Variants in PTCRA observed in about 807,000 individuals in gnomAD.
PTCRA encodes the protein pre T-cell antigen receptor alpha.
A neutral mutation model predicts 13.4 loss-of-function variants in PTCRA; 9 were observed. The ratio of observed to expected loss-of-function variants is 0.67; its 90% CI spans 0.41 to 1.18. PTCRA has a LOEUF of 1.18. Among genes scored for constraint, PTCRA ranks in the 50% most tolerant of loss-of-function variants. The pLI is 0.01. For missense variants in PTCRA, 353 were observed against 359.8 expected, an observed-to-expected ratio of 0.98 and a Z score of 0.15; for synonymous variants, 153 against 161.9, an observed-to-expected ratio of 0.94 and a Z score of 0.42.
rs1415861303 is a variant in PTCRA at position 42,925,043 on chromosome 6, C to A, written c.425-218C>A. ...TAATTAATTCCTGCGTGGCCCCCACCCCTACCCCCATGATTGTTGGGGAAT... is the reference window on the plus strand; with the variant it reads ...TAATTAATTCCTGCGTGGCCCCCACACCTACCCCCATGATTGTTGGGGAAT... On this transcript the variant is annotated intron_variant, in intron 3 of 3. Transcript: ENST00000304672. This position sits in a 1 kb window ranked among gnomAD's most constrained non-coding sequence, Gnocchi z 4.4. Among the ~76,000 whole-genome samples, 1 of 152,082 alleles carries A rather than the reference C, an allele frequency of 6.6e-6. No individual in the cohort carries two copies. The highest frequency in any genetic ancestry group is 1.5e-5 in the Non-Finnish European group (1 of 68,020).
rs553747473 is a variant in PTCRA at position 42,925,449 on chromosome 6, C to G, written c.613C>G (p.Arg205Gly). The G allele has an allele frequency of 6.4e-7, 1 of 1,555,248 alleles. No individual in the cohort carries two copies. Among genetic ancestry groups the G allele is most frequent in the African/African-American group, 1.4e-5 (1 of 73,258 alleles). Residue 205 changes from arginine to glycine, a missense_variant, in exon 4 of 4, where the codon CGA (arginine) becomes GGA (glycine). By Grantham distance (125) the Arg-to-Gly change is moderately radical (BLOSUM62 -2). Transcript: ENST00000304672. The surrounding 1 kb of genome is among the most constrained non-coding windows in gnomAD (Gnocchi z 4.4). Reference protein sequence around the residue: ...RLHPATETGGREATSSPRPQP... With the variant: ...RLHPATETGGGEATSSPRPQP... Reference sequence around the variant, plus strand: ...GCACCCGGCCACGGAGACTGGGGGACGAGAGGCCACCAGCTCACCCAGACC... The same window carrying G: ...GCACCCGGCCACGGAGACTGGGGGAGGAGAGGCCACCAGCTCACCCAGACC...
intron 2 of PTCRA, 60 bp downstream of exon 2, chr6:42,923,407 T>C (rs373811238): frequency 2.0e-6 from 3 of 1,524,714 alleles, no homozygotes; most frequent in Non-Finnish European, 9.0e-7. Context: ...CACCAGGATA[T>C]GGTTGGAGGG....
At position 42,922,919 on chromosome 6, in the gene PTCRA, G is replaced by A. The variant is rs923676501; in HGVS notation, c.59-108G>A. Reference sequence around the variant, plus strand: ...AAGGACATGTAGATGGATGGTGGAAGGATGGATGGATGGAAAGACAGAAAT... The same window carrying A: ...AAGGACATGTAGATGGATGGTGGAAAGATGGATGGATGGAAAGACAGAAAT... On this transcript the variant is annotated intron_variant, in intron 1 of 3. Coordinates refer to ENST00000304672, the MANE Select transcript of PTCRA (RefSeq NM_138296.3). The A allele has an allele frequency of 3.9e-6, 4 of 1,016,150 alleles. No homozygotes were observed. The African/African-American group carries it at 6.3e-5, about 16-fold the overall frequency. 62.9% of individuals were successfully genotyped at this position (1,016,150 alleles called of 1,614,324 possible). A position where few individuals can be genotyped will look rare whatever the true frequency, so the allele number is the denominator to read the frequency against.
At chr6:42,922,010 G>A (rs1443267009) in intron 1 of PTCRA, among the ~76,000 whole-genome samples, 1 of 151,906 alleles carries the variant, frequency 6.6e-6, no homozygotes, top group Non-Finnish European at 1.5e-5. Context: ...GGGAGACGTA[G>A]CAAGACTCCG....
rs1376992864 is a variant in PTCRA at position 42,923,235 on chromosome 6, G to T, written c.267G>T (p.Leu89Phe). The stretch of plus-strand genomic sequence containing the variant: ...CAACGGATGGCACCTGGACCAACTT[G>T]GCCCATCTCTCCCTGCCTTCTGAGG... Reference protein sequence around the residue: ...SPATDGTWTNLAHLSLPSEEL... With the variant: ...SPATDGTWTNFAHLSLPSEEL... The change falls in exon 2 of 4, where the codon TTG becomes TTT. Residue 89 changes from leucine to phenylalanine, a missense_variant. Coordinates refer to ENST00000304672, the MANE Select transcript of PTCRA (RefSeq NM_138296.3). 1 of 1,614,114 alleles carries T rather than the reference G, an allele frequency of 6.2e-7. No homozygotes were observed. The highest frequency in any genetic ancestry group is 1.7e-5 in the Admixed American group (1 of 60,000).
At chr6:42,923,602 C>T (rs187794681) in intron 2 of PTCRA, among the ~76,000 whole-genome samples, 5 of 152,330 alleles carry the variant, frequency 3.3e-5, no homozygotes, top group Admixed American at 2.6e-4. Flanking sequence ...CTCCTTCCAC[C>T]TAGGATTCAT....
chr6:42,919,409 T>C (rs996192003), intron 1 of PTCRA, among the ~76,000 whole-genome samples: 1 of 152,122 alleles, frequency 6.6e-6, no homozygotes, highest in Non-Finnish European at 1.5e-5. Flanking sequence ...CGTTTGGCTA[T>C]ACCTAATTCA....
intron 1 of PTCRA, among the ~76,000 whole-genome samples, chr6:42,916,513 A>G (rs1018197830): frequency 5.3e-5 from 8 of 152,160 alleles, no homozygotes; most frequent in Non-Finnish European, 7.4e-5. Flanking sequence ...ATGATGTCAT[A>G]TGGGTAACAG....
intron 1 of PTCRA, among the ~76,000 whole-genome samples, chr6:42,921,412 C>CTTTTT (rs59029514): frequency 1.2e-5 from 1 of 85,656 alleles, no homozygotes; most frequent in Non-Finnish European, 2.1e-5. Context: ...AACAAAGCTT[C>CTTTTT]TTTTTTTTTT....
At position 42,925,590 on chromosome 6, in the gene PTCRA, T is replaced by A. The variant is rs115331994; in HGVS notation, c.754T>A (p.Cys252Ser). The A allele has an allele frequency of 6.2e-7, 1 of 1,600,636 alleles. No individual in the cohort carries two copies. Among genetic ancestry groups the A allele is most frequent in the African/African-American group, 1.3e-5 (1 of 74,700 alleles). The change falls in exon 4 of 4, where the codon TGC (cysteine) becomes AGC (serine). Residue 252 changes from cysteine (C) to serine (S), a missense_variant. Coordinates refer to ENST00000304672, the MANE Select transcript of PTCRA (RefSeq NM_138296.3). The surrounding 1 kb of genome is among the most constrained non-coding windows in gnomAD (Gnocchi z 4.4). ...CCCCACTTGCCCAGCACAGGCCTGG[T>A]GCTCAAGATCTGCCCTCAGGGCTCC... ...SYPTCPAQAW[C>S]SRSALRAPSS...
intron 1 of PTCRA, among the ~76,000 whole-genome samples, chr6:42,918,274 G>T (rs1257940656): frequency 1.3e-5 from 2 of 149,892 alleles, no homozygotes; most frequent in African/African-American, 4.9e-5. Flanking sequence ...AAAAAGCCAG[G>T]CATGGGGCTC....
chr6:42,922,755 A>C (rs1767247242), intron 1 of PTCRA, among the ~76,000 whole-genome samples: 1 of 136,732 alleles, frequency 7.3e-6, no homozygotes, highest in South Asian at 2.1e-4. Flanking sequence ...AAAAAAAAAG[A>C]AAGAAAGAAT....
At chr6:42,919,288 C>T (rs1467036827) in intron 1 of PTCRA, among the ~76,000 whole-genome samples, 3 of 152,156 alleles carry the variant, frequency 2.0e-5, no homozygotes, top group African/African-American at 7.2e-5. Flanking sequence ...GCCACCACGC[C>T]TGGCCTAGGC....
intron 1 of PTCRA, among the ~76,000 whole-genome samples, chr6:42,920,371 T>C (rs1185096829): frequency 1.3e-5 from 2 of 151,864 alleles, no homozygotes; most frequent in South Asian, 2.1e-4. Context: ...ATAGGGATTA[T>C]TTTGGAAAAT....
intron 1 of PTCRA, among the ~76,000 whole-genome samples, chr6:42,921,412 C>CTTTTTTTTT (rs59029514): frequency 1.2e-5 from 1 of 85,640 alleles, no homozygotes; most frequent in East Asian, 3.4e-4. Context: ...AACAAAGCTT[C>CTTTTTTTTT]TTTTTTTTTT....
At chr6:42,919,588 G>A (rs1168585594) in intron 1 of PTCRA, among the ~76,000 whole-genome samples, 19 of 150,190 alleles carry the variant, frequency 1.3e-4, no homozygotes, top group African/African-American at 1.7e-4. Context: ...ATGGTGGCAC[G>A]TGCCTGTAGT....
intron 2 of PTCRA, among the ~76,000 whole-genome samples, chr6:42,923,832 T>C (rs537343100): frequency 6.6e-6 from 1 of 152,342 alleles, no homozygotes; most frequent in East Asian, 1.9e-4. Context: ...CTCCATTGTA[T>C]TTTGAAACAG....
intron 2 of PTCRA, among the ~76,000 whole-genome samples, chr6:42,923,961 C>T (rs1007970094): frequency 6.6e-5 from 10 of 152,204 alleles, no homozygotes; most frequent in African/African-American, 1.9e-4. Context: ...AAGAATGCTG[C>T]GAAGACAGTC....
At chr6:42,917,216 ATTATTATTATTAT>A (rs1766913550) in intron 1 of PTCRA, among the ~76,000 whole-genome samples, 1 of 136,454 alleles carries the variant, frequency 7.3e-6, no homozygotes, top group African/African-American at 3.3e-5. Flanking sequence ...TATTATTATT[ATTATTATTATTAT>A]TATTTATTTT....
Sources: allele counts gnomAD v4.1 joint callset (sites outside exome capture counted in the v4.1 genomes callset), GRCh38; gene constraint gnomAD v4.1.1; non-coding constraint Gnocchi (gnomAD v3.1); transcripts MANE v1.5; gene names NCBI Gene and HGNC (gene_info 2026-07-23, HGNC 2026-07-21).